Variants in CELF2 observed in about 807,000 individuals in gnomAD.
CELF2 encodes the protein CUG triplet repeat RNA-binding protein 2.
A neutral mutation model predicts 62.6 loss-of-function variants in CELF2; 8 were observed. The observed-to-expected ratio is 0.13, with a 90% CI of 0.07 to 0.23. CELF2 has a LOEUF of 0.23. Among genes scored for constraint, CELF2 ranks in the 10% least tolerant of loss-of-function variants. CELF2 has a pLI of 1.00. For synonymous variants in CELF2, 258 were observed against 250.0 expected (o/e 1.03, Z -0.30); for missense variants, 333 against 671.0 (o/e 0.50, Z 5.56).
Position 10,972,980 on chromosome 10 carries a change from C to G in CELF2, c.89+52981C>G, listed in dbSNP as rs2050912378. 6.6e-6 allele frequency among the ~76,000 whole-genome samples: 1 copy of G among 151,906 alleles called. No homozygotes were observed. The highest frequency in any genetic ancestry group is 1.5e-5 in the Non-Finnish European group (1 of 67,972). ...TTTTTAATGGCAAAGAATGTGAAAC[C>G]CTGAGGAGAATAGTTAAAGCAGAAG... is the stretch of plus-strand genomic sequence containing the variant. On this transcript the variant is annotated intron_variant, in intron 2 of 13. Coordinates refer to the CELF2 transcript ENST00000636488. This position sits in a 1 kb window ranked among gnomAD's most constrained non-coding sequence, Gnocchi z 4.4.
chr10:10,807,586 G>A (rs577312421), intron 1 of CELF2, among the ~76,000 whole-genome samples: 1 of 152,146 alleles, frequency 6.6e-6, no homozygotes, highest in East Asian at 1.9e-4. Flanking sequence ...GATCAGGTAG[G>A]GAGAAAAAGA....
chr10:10,862,006 G>A (rs1444260552), intron 1 of CELF2, among the ~76,000 whole-genome samples: 1 of 152,140 alleles, frequency 6.6e-6, no homozygotes, highest in African/African-American at 2.4e-5. Context: ...GTTCTTGGGG[G>A]CATTTAAATG....
intron 1 of CELF2, among the ~76,000 whole-genome samples, chr10:10,874,626 C>T (rs769940441): frequency 9.5e-4 from 144 of 151,984 alleles, no homozygotes; most frequent in Non-Finnish European, 1.9e-3. Context: ...TTTGTAAATG[C>T]AAAAAATGTA....
the CELF2 span, among the ~76,000 whole-genome samples, chr10:10,524,651 T>C: frequency 1.3e-5 from 2 of 152,068 alleles, no homozygotes; most frequent in East Asian, 1.9e-4. Flanking sequence ...CCTTCAAGAA[T>C]GGGTAAGCAT....
intron 1 of CELF2, among the ~76,000 whole-genome samples, chr10:10,858,010 T>C (rs1472056255): frequency 6.6e-6 from 1 of 151,928 alleles, no homozygotes; most frequent in Non-Finnish European, 1.5e-5. Flanking sequence ...TTATCTAAAT[T>C]ATCTAAAGTC....
intron 3 of CELF2, among the ~76,000 whole-genome samples, chr10:11,221,543 A>T (rs2064883518): frequency 6.6e-6 from 1 of 151,610 alleles, no homozygotes; most frequent in African/African-American, 2.4e-5. Flanking sequence ...CAAGGTCTTA[A>T]CACATATTGT....
chr10:10,707,783 C>CAGTT, the CELF2 span, among the ~76,000 whole-genome samples: 1 of 152,106 alleles, frequency 6.6e-6, no homozygotes, highest in African/African-American at 2.4e-5. Context: ...ATCCTATAAA[C>CAGTT]TATAAACTGA....
chr10:10,466,618 A>G, the CELF2 span, among the ~76,000 whole-genome samples: 1,352 of 152,256 alleles, frequency 8.9e-3, 19 homozygotes, highest in African/African-American at 0.031. Context: ...TGTATAAGAA[A>G]AAACCCAGCA....
In CELF2 at chr10:10,993,200, C is replaced by CA. The variant is rs1169670961; in HGVS notation, c.89+73202dup. On this transcript the variant is annotated intron_variant, in intron 2 of 13. Transcript: ENST00000636488. The surrounding 1 kb of genome is among the most constrained non-coding windows in gnomAD (Gnocchi z 5.3). The stretch of plus-strand genomic sequence containing the variant: ...TAACTGTTGCTTCCCTTCTGTCCTT[C>CA]AGATCTCCCAAGAATCTTGTGTCTC... Among the ~76,000 whole-genome samples the CA allele has an allele frequency of 1.3e-5, 2 of 152,102 alleles. No individual in the cohort carries two copies. The highest frequency in any genetic ancestry group is 2.9e-5 in the Non-Finnish European group (2 of 68,016).
chr10:11,045,847 C>CA (rs1202988483), intron 1 of CELF2, among the ~76,000 whole-genome samples: 1 of 152,082 alleles, frequency 6.6e-6, no homozygotes, highest in Non-Finnish European at 1.5e-5. Flanking sequence ...ATTTAAAGAA[C>CA]AAAAAATAGA....
At chr10:11,027,901 A>G (rs1015786191) in intron 1 of CELF2, among the ~76,000 whole-genome samples, 4 of 152,242 alleles carry the variant, frequency 2.6e-5, no homozygotes, top group African/African-American at 9.6e-5. Context: ...TGGGAAAGAA[A>G]TGACAACCTA....
At chr10:10,926,963 C>A (rs1194116263) in intron 2 of CELF2, 1 of 152,206 alleles carries the variant, frequency 6.6e-6, no homozygotes, top group African/African-American at 2.4e-5. Context: ...GTAGAGACAT[C>A]AAGCCCTCCA....
At chr10:10,495,303 CA>C in the CELF2 span, among the ~76,000 whole-genome samples, 5 of 152,160 alleles carry the variant, frequency 3.3e-5, no homozygotes, top group East Asian at 9.7e-4. Context: ...TCTTTGTAAA[CA>C]AGAACATCAA....
chr10:10,707,857 G>A, the CELF2 span, among the ~76,000 whole-genome samples: 133 of 152,212 alleles, frequency 8.7e-4, no homozygotes, highest in African/African-American at 3.1e-3. Context: ...TTCACCCTTT[G>A]CTAAATTTTA....
At chr10:10,921,144 A>G (rs2064864995) in intron 2 of CELF2, among the ~76,000 whole-genome samples, 1 of 151,718 alleles carries the variant, frequency 6.6e-6, no homozygotes, top group Non-Finnish European at 1.5e-5. Flanking sequence ...TCGTAGAGAC[A>G]GAGTTTTGCC....
the CELF2 span, among the ~76,000 whole-genome samples, chr10:10,462,829 C>G: frequency 6.6e-6 from 1 of 151,984 alleles, no homozygotes; most frequent in African/African-American, 2.4e-5. Context: ...TGCAAATGGA[C>G]TATTTGCCCA....
At chr10:11,079,902 C>G (rs2073479822) in intron 1 of CELF2, among the ~76,000 whole-genome samples, 1 of 152,148 alleles carries the variant, frequency 6.6e-6, no homozygotes, top group South Asian at 2.1e-4. Flanking sequence ...TAGCAAGATG[C>G]ACTGTACTGC....
chr10:11,106,679 A>G (rs954843648), intron 1 of CELF2, among the ~76,000 whole-genome samples: 1 of 152,278 alleles, frequency 6.6e-6, no homozygotes, highest in Non-Finnish European at 1.5e-5. Flanking sequence ...CAAGGATGAA[A>G]AATTAACATA....
chr10:10,761,141 T>G, the CELF2 span, among the ~76,000 whole-genome samples: 1 of 152,026 alleles, frequency 6.6e-6, no homozygotes, highest in Non-Finnish European at 1.5e-5. Context: ...ACAGCAGAAA[T>G]TAAAAGAAGT....
Sources: allele counts gnomAD v4.1 joint callset (sites outside exome capture counted in the v4.1 genomes callset), GRCh38; gene constraint gnomAD v4.1.1; non-coding constraint Gnocchi (gnomAD v3.1); transcripts MANE v1.5; gene names NCBI Gene and HGNC (gene_info 2026-07-23, HGNC 2026-07-21).